The following RABGAP1L variants were observed in gnomAD, a reference collection of about 807,000 sequenced individuals.
RABGAP1L encodes rab GTPase-activating protein 1-like.
A neutral mutation model predicts 137.7 loss-of-function variants in RABGAP1L; 63 were observed. The ratio of observed to expected loss-of-function variants is 0.46; its 90% CI spans 0.37 to 0.56. RABGAP1L has a LOEUF of 0.56. RABGAP1L is among the 20% of genes least tolerant of loss of function. The probability of loss-of-function intolerance (pLI) is 0.00; values close to 1 mark genes in which losing one functional copy is unlikely to be tolerated. For synonymous variants in RABGAP1L, 431 were observed against 433.7 expected (o/e 0.99, Z 0.08); for missense variants, 1,095 against 1,244.0 (o/e 0.88, Z 1.80).
chr1:174,159,919 G>C (rs1664286045), intron 1 of RABGAP1L: 1 of 152,284 alleles, frequency 6.6e-6, no homozygotes. Flanking sequence ...GCCCTTACCT[G>C]GGGGTGGGGT....
intron 13 of RABGAP1L, among the ~76,000 whole-genome samples, chr1:174,474,944 A>G (rs1658343044): frequency 6.6e-6 from 1 of 152,238 alleles, no homozygotes; most frequent in African/African-American, 2.4e-5. Flanking sequence ...GGAAAGTAAT[A>G]TCTGCCTTAT....
intron 17 of RABGAP1L, among the ~76,000 whole-genome samples, chr1:174,705,993 T>C (rs946681591): frequency 1.3e-5 from 2 of 152,196 alleles, no homozygotes; most frequent in African/African-American, 2.4e-5. Context: ...TAGAAAAGTA[T>C]TGACTTTTCA....
At chr1:174,489,520 C>G (rs993278630) in intron 13 of RABGAP1L, among the ~76,000 whole-genome samples, 1 of 151,602 alleles carries the variant, frequency 6.6e-6, no homozygotes, top group African/African-American at 2.4e-5. Flanking sequence ...ATTAAAAAGT[C>G]AGGAAACAAC....
At chr1:174,666,189 A>C (rs1370876889) in intron 14 of RABGAP1L, among the ~76,000 whole-genome samples, 3 of 152,216 alleles carry the variant, frequency 2.0e-5, no homozygotes, top group Non-Finnish European at 4.4e-5. Context: ...TTCCCCTGAC[A>C]TACTCATTTA....
At position 174,629,969 on chromosome 1, in the gene RABGAP1L, G is replaced by T. The variant is rs1673221246; in HGVS notation, c.1711-7406G>T. 2.0e-5 allele frequency among the ~76,000 whole-genome samples: 3 copies of T among 151,968 alleles called. No homozygotes were observed. In the South Asian group the frequency reaches 6.2e-4, roughly 32 times the overall value. On this transcript the variant is annotated intron_variant, in intron 13 of 25. Coordinates refer to ENST00000681986, the MANE Select transcript of RABGAP1L (RefSeq NM_001366446.1). ...GTGAGAGAGGGCATCCCTGTCTTGTGCCAGTTTTCAAAGGGAATGCTTCCA... is the reference window on the plus strand; with the variant it reads ...GTGAGAGAGGGCATCCCTGTCTTGTTCCAGTTTTCAAAGGGAATGCTTCCA...
chr1:174,919,740 C>T (rs938192421), intron 19 of RABGAP1L, among the ~76,000 whole-genome samples: 2 of 152,026 alleles, frequency 1.3e-5, no homozygotes, highest in Admixed American at 6.6e-5. Flanking sequence ...CCTGTAGTCC[C>T]AGCTACTTGG....
At chr1:174,630,206 G>T (rs377039039) in intron 13 of RABGAP1L, among the ~76,000 whole-genome samples, 1 of 148,668 alleles carries the variant, frequency 6.7e-6, no homozygotes, top group Non-Finnish European at 1.5e-5. Context: ...ATTGATTTGC[G>T]TATATTGAAC....
intron 13 of RABGAP1L, among the ~76,000 whole-genome samples, chr1:174,469,502 A>G (rs879848446): frequency 6.6e-6 from 1 of 152,180 alleles, no homozygotes; most frequent in Non-Finnish European, 1.5e-5. Flanking sequence ...AATATCTACA[A>G]TGTGAGTCTC....
intron 13 of RABGAP1L, among the ~76,000 whole-genome samples, chr1:174,635,803 A>G (rs867794184): frequency 5.9e-5 from 9 of 152,210 alleles, no homozygotes; most frequent in South Asian, 2.1e-4. Flanking sequence ...AGCATGAAAT[A>G]GCAACTGAAA....
chr1:174,780,654 G>A (rs1033823230), intron 18 of RABGAP1L, among the ~76,000 whole-genome samples: 3 of 151,366 alleles, frequency 2.0e-5, no homozygotes, highest in Admixed American at 2.0e-4. Flanking sequence ...GTGCCATGTT[G>A]GTGTGCTGCA....
Position 174,596,655 on chromosome 1 carries a change from C to G in RABGAP1L, c.1711-40720C>G, listed in dbSNP as rs991606893. 2.6e-5 allele frequency among the ~76,000 whole-genome samples: 4 copies of G among 152,246 alleles called. No individual in the cohort carries two copies. The South Asian group carries it at 8.3e-4, about 32-fold the overall frequency. On this transcript the variant is annotated intron_variant, in intron 13 of 25. Transcript: ENST00000681986. ...TTTTCTAAATATAAGATTATATCAT[C>G]TGCAAAGAAGGATAATTTGACTTCT...
intron 18 of RABGAP1L, among the ~76,000 whole-genome samples, chr1:174,781,091 G>A (rs1226325339): frequency 6.6e-6 from 1 of 152,076 alleles, no homozygotes; most frequent in East Asian, 1.9e-4. Flanking sequence ...ACCCAGTAAT[G>A]GGATGGCTGG....
chr1:174,978,943 T>G, intron 23 of RABGAP1L, 53 bp downstream of exon 23: 1 of 1,440,196 alleles, frequency 6.9e-7, no homozygotes, highest in Non-Finnish European at 9.1e-7. Context: ...GCTATAAAAG[T>G]AATTTTTTTT....
intron 13 of RABGAP1L, among the ~76,000 whole-genome samples, chr1:174,409,158 G>T (rs1188150114): frequency 1.3e-5 from 2 of 152,130 alleles, no homozygotes; most frequent in African/African-American, 4.8e-5. Flanking sequence ...GACCCCGAAC[G>T]GAGGGACCAG....
chr1:174,174,102 A>G (rs1015422469), intron 1 of RABGAP1L, among the ~76,000 whole-genome samples: 4 of 152,136 alleles, frequency 2.6e-5, no homozygotes, highest in Non-Finnish European at 5.9e-5. Context: ...TTAAGGAGGA[A>G]TAATTTACAA....
At chr1:174,163,757 A>G (rs1201479441) in intron 1 of RABGAP1L, among the ~76,000 whole-genome samples, 1 of 152,106 alleles carries the variant, frequency 6.6e-6, no homozygotes, top group East Asian at 1.9e-4. Flanking sequence ...AAATAAGAGG[A>G]AAATAAGACA....
chr1:174,271,836 A>G (rs1474302221), intron 7 of RABGAP1L, among the ~76,000 whole-genome samples: 1 of 152,056 alleles, frequency 6.6e-6, no homozygotes, highest in African/African-American at 2.4e-5. Context: ...GTTGGATATA[A>G]TATCTTCACT....
intron 13 of RABGAP1L, among the ~76,000 whole-genome samples, chr1:174,596,118 C>G (rs369073896): frequency 1.1e-4 from 15 of 134,146 alleles, no homozygotes; most frequent in African/African-American, 4.5e-4. Flanking sequence ...ACCCGATTTT[C>G]CAGGTGCGTC....
intron 11 of RABGAP1L, among the ~76,000 whole-genome samples, chr1:174,332,792 TAAAAA>T (rs768911077): frequency 6.6e-6 from 1 of 151,030 alleles, no homozygotes. Context: ...TTATAAAAGT[TAAAAA>T]AAAACTGATC....
Sources: gnomAD v4.1 joint callset for allele counts (sites outside exome capture counted in the v4.1 genomes callset) on GRCh38, gnomAD v4.1.1 for gene constraint, MANE v1.5 for transcripts, NCBI Gene and HGNC (gene_info 2026-07-23, HGNC 2026-07-21) for gene names.